CAPN2: variants seen among roughly 807,000 people sequenced by gnomAD.
CAPN2 encodes calpain-2 catalytic subunit.
In CAPN2, 92 loss-of-function variants were observed where a neutral mutation model predicts 102.3. The observed-to-expected ratio is 0.90, with a 90% CI of 0.76 to 1.07. The LOEUF (loss-of-function observed/expected upper bound fraction) is 1.07, where lower values mean the gene tolerates loss of function less well. Ranked by LOEUF, CAPN2 falls within the 50% of genes least tolerant of loss-of-function variation. The probability of loss-of-function intolerance (pLI) is 0.00; values close to 1 mark genes in which losing one functional copy is unlikely to be tolerated. For synonymous variants in CAPN2, 340 were observed against 355.4 expected, an observed-to-expected ratio of 0.96 and a Z score of 0.49; for missense variants, 800 against 909.4, an observed-to-expected ratio of 0.88 and a Z score of 1.55.
intron 2 of CAPN2, among the ~76,000 whole-genome samples, chr1:223,738,089 T>C (rs892794386): frequency 2.0e-5 from 3 of 152,222 alleles, no homozygotes; most frequent in Admixed American, 2.0e-4. Flanking sequence ...TAGCTATGCT[T>C]CATATTTAAT....
In CAPN2 at chr1:223,759,532, T is replaced by C; in HGVS notation, c.1529+51T>C. On this transcript the variant is annotated intron_variant, in intron 12 of 20. Transcript: ENST00000295006. The surrounding 1 kb of genome is among the most constrained non-coding windows in gnomAD (Gnocchi z 4.6). Reference sequence around the variant, plus strand: ...CCCACCCTTCCCTGTCCCTCCCCACTGGTCTGTTCCTCGGCCCCTAGAGGG... The same window carrying C: ...CCCACCCTTCCCTGTCCCTCCCCACCGGTCTGTTCCTCGGCCCCTAGAGGG... 1 of 1,519,278 alleles carries C rather than the reference T, an allele frequency of 6.6e-7. No homozygotes were observed. 94.1% of individuals were successfully genotyped at this position (1,519,278 alleles called of 1,614,324 possible).
chr1:223,735,613 A>G (rs1019777999), intron 2 of CAPN2, among the ~76,000 whole-genome samples: 1 of 151,368 alleles, frequency 6.6e-6, no homozygotes, highest in African/African-American at 2.4e-5. Flanking sequence ...TCTTAGATCT[A>G]TCTGGGATGT....
intron 19 of CAPN2, 31 bp downstream of exon 19, chr1:223,771,956 C>G (rs1370104305): frequency 1.4e-6 from 2 of 1,480,200 alleles, no homozygotes; most frequent in South Asian, 2.3e-5. Context: ...TGACTCATTT[C>G]AGTTCTCTTG....
In CAPN2 at chr1:223,754,709, A is replaced by T. The variant is rs1194860263; in HGVS notation, c.1136-771A>T. Among the ~76,000 whole-genome samples the T allele has an allele frequency of 6.6e-6, 1 of 152,236 alleles. No individual in the cohort carries two copies. The highest frequency in any genetic ancestry group is 2.4e-5 in the African/African-American group (1 of 41,460). On this transcript the variant is annotated intron_variant, in intron 9 of 20. Coordinates refer to ENST00000295006, the MANE Select transcript of CAPN2 (RefSeq NM_001748.5). The surrounding 1 kb of genome is among the most constrained non-coding windows in gnomAD (Gnocchi z 4.7). ...TTTTGGAAGTAAAGAGGGCAGAGACATCAGGAGCAGGGCAAGGGAATAGGC... is the reference window on the plus strand; with the variant it reads ...TTTTGGAAGTAAAGAGGGCAGAGACTTCAGGAGCAGGGCAAGGGAATAGGC...
At chr1:223,744,251 A>G (rs753519611) in intron 3 of CAPN2, 33 bp downstream of exon 3, 7 of 1,382,498 alleles carry the variant, frequency 5.1e-6, no homozygotes, top group South Asian at 1.2e-5. Context: ...TGGTTCCTCA[A>G]CAGGTCCAGG....
chr1:223,717,279 C>T (rs1659902652), intron 1 of CAPN2, among the ~76,000 whole-genome samples: 2 of 151,896 alleles, frequency 1.3e-5, no homozygotes, highest in African/African-American at 2.4e-5. Flanking sequence ...GACGACTTCA[C>T]GGAGGAGGTG....
intron 5 of CAPN2, 90 bp from the exon 6 acceptor site, chr1:223,748,949 G>A: frequency 8.0e-7 from 1 of 1,246,586 alleles, no homozygotes; most frequent in Non-Finnish European, 1.2e-6. Context: ...GCGTCCGGCG[G>A]TCCCGCCCGG....
intron 2 of CAPN2, among the ~76,000 whole-genome samples, chr1:223,737,080 G>A (rs1660473119): frequency 6.6e-6 from 1 of 152,150 alleles, no homozygotes; most frequent in Non-Finnish European, 1.5e-5. Flanking sequence ...AAGACCAGAT[G>A]TAGGGGAGAT....
At position 223,775,249 on chromosome 1, in the gene CAPN2, T is replaced by C; in HGVS notation, c.*392T>C. On this transcript the variant is annotated 3_prime_UTR_variant, in exon 21 of 21. Transcript: ENST00000295006. ...GTCGCTCTCAAAGGACACGAGGCCC[T>C]TGGCAGGGAATATTTAAAGCAACTT... The C allele has an allele frequency of 5.6e-6, 1 of 177,398 alleles. No homozygotes were observed. Among genetic ancestry groups the C allele is most frequent in the South Asian group, 1.5e-4 (1 of 6,484 alleles). 11.0% of individuals were successfully genotyped at this position (177,398 alleles called of 1,614,324 possible). A position where few individuals can be genotyped will look rare whatever the true frequency, so the allele number is the denominator to read the frequency against.
At chr1:223,757,627 C>T in intron 11 of CAPN2, 1 of 560,912 alleles carries the variant, frequency 1.8e-6, no homozygotes, top group Non-Finnish European at 3.2e-6. Context: ...AGAGCCCATA[C>T]AGGGTTTGGT....
chr1:223,728,751 C>G (rs546181789), intron 2 of CAPN2, among the ~76,000 whole-genome samples: 7 of 152,282 alleles, frequency 4.6e-5, no homozygotes, highest in Admixed American at 4.6e-4. Context: ...TGGGACTTCC[C>G]AAGGTACACA....
At position 223,759,398 on chromosome 1, in the gene CAPN2, C is replaced by T; in HGVS notation, c.1446C>T (p.Tyr482=). 2 of 1,614,228 alleles carry T rather than the reference C, an allele frequency of 1.2e-6. No individual in the cohort carries two copies. The highest frequency in any genetic ancestry group is 8.5e-7 in the Non-Finnish European group (1 of 1,180,046). ...LNRFKLPPGE[Y]ILVPSTFEPN... Reference sequence around the variant, plus strand: ...GCTTCAAGCTGCCGCCAGGAGAGTACATTCTCGTGCCTTCCACCTTCGAAC... The same window carrying T: ...GCTTCAAGCTGCCGCCAGGAGAGTATATTCTCGTGCCTTCCACCTTCGAAC... Residue 482 remains tyrosine, a synonymous_variant, in exon 12 of 21, where the codon TAC becomes TAT. Transcript: ENST00000295006. This position sits in a 1 kb window ranked among gnomAD's most constrained non-coding sequence, Gnocchi z 4.6.
chr1:223,718,015 G>A (rs911798749), intron 2 of CAPN2, among the ~76,000 whole-genome samples, 184 bp downstream of exon 2: 2 of 152,240 alleles, frequency 1.3e-5, no homozygotes, highest in Admixed American at 6.5e-5. Flanking sequence ...CCATGCTGGG[G>A]CACACAAATG....
chr1:223,739,444 A>G (rs1473066045), intron 2 of CAPN2, among the ~76,000 whole-genome samples: 1 of 152,200 alleles, frequency 6.6e-6, no homozygotes, highest in Non-Finnish European at 1.5e-5. Context: ...TCGGCCTCCC[A>G]AAGTGATGGG....
chr1:223,755,425 C>G lies in CAPN2; in HGVS notation c.1136-55C>G, dbSNP rs957559758. On this transcript the variant is annotated intron_variant, in intron 9 of 20. Transcript: ENST00000295006. This position sits in a 1 kb window ranked among gnomAD's most constrained non-coding sequence, Gnocchi z 4.1. ...CAAGCCTGAGACCAGGGCCACCCCC[C>G]ACCCCCATGCATTCCTGCTCAGGGC... 97 of 1,592,436 alleles carry G rather than the reference C, an allele frequency of 6.1e-5. No individual in the cohort carries two copies. Among genetic ancestry groups the G allele is most frequent in the Non-Finnish European group, 7.1e-5 (83 of 1,164,528 alleles).
In CAPN2 at chr1:223,757,385, G is replaced by A. The variant is rs532758362; in HGVS notation, c.1317+5G>A. On this transcript the variant is annotated splice_donor_5th_base_variant and intron_variant, in intron 11 of 20. Transcript: ENST00000295006. ...ATTTTGCAGGTTCCAGAGGAGGTAC[G>A]TCTGGCCCATGTCCCGGGGTGCTCA... 60 of 1,614,116 alleles carry A rather than the reference G, an allele frequency of 3.7e-5. No homozygotes were observed. Among genetic ancestry groups the A allele is most frequent in the South Asian group, 1.4e-4 (13 of 91,068 alleles).
At chr1:223,763,840 T>G (rs1558077127) in intron 14 of CAPN2, among the ~76,000 whole-genome samples, 4 of 152,188 alleles carry the variant, frequency 2.6e-5, no homozygotes, top group Non-Finnish European at 5.9e-5. Flanking sequence ...TTTGGGAGGC[T>G]GAGGCTGGAG....
rs575386583 is a variant in CAPN2 at position 223,747,165 on chromosome 1, C to T, written c.729C>T (p.Asp243=). The T allele has an allele frequency of 1.7e-4, 277 of 1,611,560 alleles. 7 individuals are homozygous for T. The South Asian group carries it at 3.0e-3, about 17-fold the overall frequency. Reference sequence around the variant, plus strand: ...GCTCTCTCCTTGGCTGCTCCATCGACGTAAGTCCAGGCTGCCTTCCCTAGC... The same window carrying T: ...GCTCTCTCCTTGGCTGCTCCATCGATGTAAGTCCAGGCTGCCTTCCCTAGC... ...QKGSLLGCSI[D]ITSAADSEAI... is the part of the protein sequence containing the mutation. Residue 243 remains aspartate (D), a splice_region_variant and synonymous_variant, in exon 5 of 21, where the codon GAC becomes GAT. Coordinates refer to ENST00000295006, the MANE Select transcript of CAPN2 (RefSeq NM_001748.5).
At chr1:223,736,014 G>A (rs905778682) in intron 2 of CAPN2, among the ~76,000 whole-genome samples, 18 of 152,114 alleles carry the variant, frequency 1.2e-4, no homozygotes, top group African/African-American at 4.1e-4. Flanking sequence ...TCCTGATCTC[G>A]TGATCTGCCC....
Sources: allele counts gnomAD v4.1 joint callset (sites outside exome capture counted in the v4.1 genomes callset), GRCh38; gene constraint gnomAD v4.1.1; non-coding constraint Gnocchi (gnomAD v3.1); transcripts MANE v1.5; gene names NCBI Gene and HGNC (gene_info 2026-07-23, HGNC 2026-07-21).